ADAM22: variants seen among roughly 807,000 people sequenced by gnomAD.
ADAM22 encodes disintegrin and metalloproteinase domain-containing protein 22.
A neutral mutation model predicts 144.6 loss-of-function variants in ADAM22; 65 were observed. The observed-to-expected ratio is 0.45, with a 90% CI of 0.37 to 0.55. The LOEUF is 0.55. Ranked by LOEUF, ADAM22 falls within the 20% of genes least tolerant of loss-of-function variation. The pLI is 0.00. For synonymous variants in ADAM22, 391 were observed against 412.6 expected (o/e 0.95, Z 0.63); for missense variants, 974 against 1,184.9 (o/e 0.82, Z 2.61).
At chr7:88,053,331 A>T (rs75532224) in intron 3 of ADAM22, among the ~76,000 whole-genome samples, 3,626 of 151,952 alleles carry the variant, frequency 0.024, 150 homozygotes, top group African/African-American at 0.082. Context: ...GCTGGGCATC[A>T]TAGTATGCAT....
At chr7:88,162,066 C>T (rs1335629082) in intron 22 of ADAM22, among the ~76,000 whole-genome samples, 1 of 146,292 alleles carries the variant, frequency 6.8e-6, no homozygotes, top group Non-Finnish European at 1.5e-5. Flanking sequence ...AAATGCCCAT[C>T]AGTGGCAGAC....
chr7:87,934,933 G>A (rs1478296721), intron 1 of ADAM22, 93 bp from the exon 2 acceptor site: 5 of 1,551,776 alleles, frequency 3.2e-6, no homozygotes, highest in Non-Finnish European at 4.4e-6. Context: ...TTTCGTAGGG[G>A]AGACGTAGGA....
intron 7 of ADAM22, among the ~76,000 whole-genome samples, chr7:88,117,079 G>T (rs1478325118): frequency 6.6e-6 from 1 of 152,168 alleles, no homozygotes; most frequent in East Asian, 1.9e-4. Context: ...GCAAGAATTG[G>T]TCTGTGAGAC....
intron 27 of ADAM22, among the ~76,000 whole-genome samples, chr7:88,180,093 G>A (rs1846622303): frequency 6.6e-6 from 1 of 152,050 alleles, no homozygotes; most frequent in African/African-American, 2.4e-5. Context: ...GAAGGAATTA[G>A]TGAGACCTGG....
At chr7:88,172,407 A>C (rs1274637088) in intron 26 of ADAM22, among the ~76,000 whole-genome samples, 1 of 151,902 alleles carries the variant, frequency 6.6e-6, no homozygotes, top group African/African-American at 2.4e-5. Context: ...CTTACACATG[A>C]TAATGGTATT....
At chr7:88,169,763 T>C (rs76160867) in intron 25 of ADAM22, among the ~76,000 whole-genome samples, 2,334 of 152,258 alleles carry the variant, frequency 0.015, 33 homozygotes, top group Non-Finnish European at 0.023. Flanking sequence ...AGCTCTGTGT[T>C]GGAATCACAC....
intron 4 of ADAM22, among the ~76,000 whole-genome samples, chr7:88,102,916 T>C (rs755123433): frequency 2.6e-5 from 4 of 152,158 alleles, no homozygotes; most frequent in African/African-American, 4.8e-5. Context: ...TGGTGAGGAA[T>C]TGGATATTCA....
intron 3 of ADAM22, among the ~76,000 whole-genome samples, chr7:88,061,390 G>A (rs1257190253): frequency 6.6e-6 from 1 of 152,124 alleles, no homozygotes; most frequent in African/African-American, 2.4e-5. Flanking sequence ...ATCCATCAGA[G>A]GAATCGCTAT....
At chr7:88,189,632 C>T (rs1466933422) in intron 30 of ADAM22, among the ~76,000 whole-genome samples, 1 of 152,140 alleles carries the variant, frequency 6.6e-6, no homozygotes, top group Non-Finnish European at 1.5e-5. Flanking sequence ...TGAATCCTCT[C>T]TTAGTACACT....
At chr7:88,160,408 A>T (rs1340170581) in intron 22 of ADAM22, among the ~76,000 whole-genome samples, 2 of 152,152 alleles carry the variant, frequency 1.3e-5, no homozygotes, top group East Asian at 3.9e-4. Flanking sequence ...AGCTCTTAAA[A>T]TTCACAGGGA....
At chr7:88,007,257 A>G (rs1451418857) in intron 3 of ADAM22, among the ~76,000 whole-genome samples, 1 of 152,204 alleles carries the variant, frequency 6.6e-6, no homozygotes, top group Non-Finnish European at 1.5e-5. Flanking sequence ...GAGGATACAA[A>G]CAAATGGAAG....
intron 3 of ADAM22, among the ~76,000 whole-genome samples, chr7:88,005,162 T>C (rs1163110214): frequency 6.6e-6 from 1 of 152,160 alleles, no homozygotes; most frequent in African/African-American, 2.4e-5. Context: ...CAAATAATTG[T>C]GCCCTGTGTT....
chr7:87,959,090 A>G (rs1847461703), intron 2 of ADAM22, among the ~76,000 whole-genome samples: 1 of 152,196 alleles, frequency 6.6e-6, no homozygotes, highest in Admixed American at 6.5e-5. Flanking sequence ...TTCACAAAAT[A>G]AATCTCAAAT....
chr7:88,138,711 G>A (rs559820521), intron 14 of ADAM22, among the ~76,000 whole-genome samples: 4 of 152,230 alleles, frequency 2.6e-5, no homozygotes, highest in Admixed American at 1.3e-4. Context: ...GGGGACAGAG[G>A]CAGGAGAGAG....
At chr7:87,995,269 G>A (rs1468503177) in intron 3 of ADAM22, among the ~76,000 whole-genome samples, 1 of 152,156 alleles carries the variant, frequency 6.6e-6, no homozygotes, top group South Asian at 2.1e-4. Context: ...GATTGCTGCT[G>A]GGCAGTGTCT....
At chr7:88,139,184 G>A (rs1054054217) in intron 14 of ADAM22, among the ~76,000 whole-genome samples, 8 of 152,274 alleles carry the variant, frequency 5.3e-5, no homozygotes, top group East Asian at 1.9e-4. Flanking sequence ...TTGGGAGGCC[G>A]AGGTGGGTGG....
chr7:87,941,248 A>G (rs1193135838), intron 2 of ADAM22, among the ~76,000 whole-genome samples: 1 of 152,224 alleles, frequency 6.6e-6, no homozygotes, highest in Non-Finnish European at 1.5e-5. Context: ...ACAGTTTGTC[A>G]TAGTTTTGAT....
At chr7:88,170,339 A>T (rs2129533404) in intron 25 of ADAM22, among the ~76,000 whole-genome samples, 1 of 152,106 alleles carries the variant, frequency 6.6e-6, no homozygotes, top group African/African-American at 2.4e-5. Flanking sequence ...TGTTTTACTT[A>T]TTCTATTTGC....
chr7:87,937,622 A>G (rs560986726), intron 2 of ADAM22, among the ~76,000 whole-genome samples: 2 of 152,236 alleles, frequency 1.3e-5, no homozygotes, highest in African/African-American at 4.8e-5. Flanking sequence ...CTCCCCATTT[A>G]TGGAGCACCA....
Sources: gnomAD v4.1 joint callset for allele counts (sites outside exome capture counted in the v4.1 genomes callset) on GRCh38, gnomAD v4.1.1 for gene constraint, MANE v1.5 for transcripts, NCBI Gene and HGNC (gene_info 2026-07-23, HGNC 2026-07-21) for gene names.